The following SOBP variants were observed in gnomAD, a reference collection of about 807,000 sequenced individuals.
The protein encoded by SOBP is sine oculis binding protein homolog, also known as sine oculis-binding protein homolog.
Under a neutral mutation model 53.6 loss-of-function variants are expected in SOBP, and 4 were observed. The ratio of observed to expected loss-of-function variants is 0.07; its 90% CI spans 0.04 to 0.17. The LOEUF (loss-of-function observed/expected upper bound fraction) is 0.17, where lower values mean the gene tolerates loss of function less well. Among genes scored for constraint, SOBP ranks in the 10% least tolerant of loss-of-function variants. The probability of loss-of-function intolerance (pLI) is 1.00; values close to 1 mark genes in which losing one functional copy is unlikely to be tolerated. For synonymous variants in SOBP, 584 were observed against 522.6 expected, an observed-to-expected ratio of 1.12 and a Z score of -1.60; for missense variants, 1,088 against 1,204.7, an observed-to-expected ratio of 0.90 and a Z score of 1.43.
intron 3 of SOBP, among the ~76,000 whole-genome samples, chr6:107,522,923 G>A (rs1783556307): frequency 6.6e-6 from 1 of 152,074 alleles, no homozygotes. Context: ...GAGAGAAGAG[G>A]CAGGAAAGAT....
chr6:107,561,111 A>G (rs924287105), intron 4 of SOBP, among the ~76,000 whole-genome samples: 27 of 152,190 alleles, frequency 1.8e-4, no homozygotes, highest in African/African-American at 6.5e-4. Context: ...GACTGTGCCA[A>G]ACCTATCAGT....
intron 1 of SOBP, among the ~76,000 whole-genome samples, chr6:107,499,382 G>T (rs1393023495): frequency 6.6e-6 from 1 of 152,156 alleles, no homozygotes; most frequent in Admixed American, 6.5e-5. Flanking sequence ...AGGATCAGGA[G>T]AATTAAAAGA....
chr6:107,641,469 A>G (rs1204393029), intron 6 of SOBP, among the ~76,000 whole-genome samples: 1 of 152,224 alleles, frequency 6.6e-6, no homozygotes, highest in Non-Finnish European at 1.5e-5. Flanking sequence ...CTACTCTGCC[A>G]CTGAGGCCAA....
At chr6:107,615,513 A>G (rs1167885295) in intron 5 of SOBP, among the ~76,000 whole-genome samples, 1 of 152,164 alleles carries the variant, frequency 6.6e-6, no homozygotes, top group African/African-American at 2.4e-5. Context: ...ACCTGCCCCT[A>G]GTCTGTCTTG....
intron 4 of SOBP, among the ~76,000 whole-genome samples, chr6:107,545,706 C>A (rs1204245191): frequency 6.6e-6 from 1 of 151,832 alleles, no homozygotes; most frequent in African/African-American, 2.4e-5. Flanking sequence ...CTAGCTACAC[C>A]TTTACCTGCC....
At chr6:107,526,043 GT>G (rs1402854484) in intron 3 of SOBP, among the ~76,000 whole-genome samples, 15 of 151,984 alleles carry the variant, frequency 9.9e-5, no homozygotes, top group Non-Finnish European at 4.4e-5. Flanking sequence ...CACTTCCCAG[GT>G]TCAAGCGATT....
chr6:107,651,723 C>T (rs1238684002), intron 6 of SOBP, among the ~76,000 whole-genome samples: 1 of 152,218 alleles, frequency 6.6e-6, no homozygotes. Context: ...CAATGCCTGA[C>T]TTCAAAGCTT....
At chr6:107,548,897 A>T (rs1251311290) in intron 4 of SOBP, among the ~76,000 whole-genome samples, 1 of 152,172 alleles carries the variant, frequency 6.6e-6, no homozygotes. Flanking sequence ...TGATTGTGCT[A>T]CTGCACTCCA....
In SOBP at chr6:107,635,378, T is replaced by C. The variant is rs758236203; in HGVS notation, c.2534T>C (p.Ile845Thr). The C allele has an allele frequency of 2.5e-6, 4 of 1,613,352 alleles. No individual in the cohort carries two copies. Among genetic ancestry groups the C allele is most frequent in the Non-Finnish European group, 8.5e-7 (1 of 1,180,014 alleles). ...AAGGCTGCCATGGCACCGTGCATCA[T>C]CTCCTCGCCCATGCTCAGCGCCGGG... is the stretch of plus-strand genomic sequence containing the variant. ...AEKAAMAPCI[I>T]SSPMLSAGPE... The change falls in exon 6 of 7, where the codon ATC becomes ACC. Residue 845 changes from isoleucine (I) to threonine (T), a missense_variant. Transcript: ENST00000317357. This position sits in a 1 kb window ranked among gnomAD's most constrained non-coding sequence, Gnocchi z 4.5.
At chr6:107,573,634 T>C (rs1232742016) in intron 4 of SOBP, among the ~76,000 whole-genome samples, 2 of 152,360 alleles carry the variant, frequency 1.3e-5, no homozygotes, top group Admixed American at 6.5e-5. Context: ...TCTGTACTAA[T>C]GTCCTCAACT....
chr6:107,578,728 C>T (rs531608636), intron 4 of SOBP, among the ~76,000 whole-genome samples: 58 of 152,258 alleles, frequency 3.8e-4, no homozygotes, highest in African/African-American at 1.4e-3. Flanking sequence ...TTATTAATCC[C>T]GGATAATAAC....
intron 4 of SOBP, among the ~76,000 whole-genome samples, chr6:107,567,391 T>A (rs1290535910): frequency 6.6e-6 from 1 of 152,224 alleles, no homozygotes; most frequent in Non-Finnish European, 1.5e-5. Context: ...ATGGCTCTAT[T>A]TCACTGCCTT....
intron 6 of SOBP, among the ~76,000 whole-genome samples, chr6:107,648,940 A>G (rs1771677762): frequency 6.6e-6 from 1 of 152,144 alleles, no homozygotes; most frequent in Admixed American, 6.5e-5. Context: ...ACAGCGGCTC[A>G]TGCCTGTAAT....
intron 4 of SOBP, among the ~76,000 whole-genome samples, chr6:107,569,920 T>C (rs563464690): frequency 6.6e-6 from 1 of 152,302 alleles, no homozygotes; most frequent in African/African-American, 2.4e-5. Context: ...CTCACATTGT[T>C]TTATGCTTAC....
chr6:107,630,838 T>C (rs542056938), intron 5 of SOBP, among the ~76,000 whole-genome samples: 6 of 152,194 alleles, frequency 3.9e-5, no homozygotes, highest in African/African-American at 9.6e-5. Context: ...TTGAACACTT[T>C]GGGATGCTGC....
intron 4 of SOBP, among the ~76,000 whole-genome samples, chr6:107,571,117 A>G (rs564571574): frequency 4.3e-4 from 66 of 152,252 alleles, no homozygotes; most frequent in African/African-American, 1.3e-3. Flanking sequence ...GTTCTTTGTT[A>G]CTGTGGGGTC....
intron 4 of SOBP, among the ~76,000 whole-genome samples, chr6:107,570,923 G>C (rs1785056252): frequency 6.6e-6 from 1 of 152,192 alleles, no homozygotes; most frequent in South Asian, 2.1e-4. Context: ...CAATTTTTGT[G>C]CTTACGGTTT....
At chr6:107,536,083 CAG>C (rs1296412589) in intron 4 of SOBP, among the ~76,000 whole-genome samples, 2 of 151,780 alleles carry the variant, frequency 1.3e-5, no homozygotes, top group Non-Finnish European at 2.9e-5. Context: ...GGATAGAAAA[CAG>C]AGTGAATAAT....
intron 5 of SOBP, among the ~76,000 whole-genome samples, chr6:107,611,258 GC>G (rs2115101907): frequency 6.6e-6 from 1 of 152,352 alleles, no homozygotes; most frequent in East Asian, 1.9e-4. Context: ...CTTCTGAATG[GC>G]TTTCTCCCAG....
Sources: allele counts gnomAD v4.1 joint callset (sites outside exome capture counted in the v4.1 genomes callset), GRCh38; gene constraint gnomAD v4.1.1; non-coding constraint Gnocchi (gnomAD v3.1); transcripts MANE v1.5; gene names NCBI Gene and HGNC (gene_info 2026-07-23, HGNC 2026-07-21).